FLI1: variants seen among roughly 807,000 people sequenced by gnomAD.
FLI1 encodes Fli-1 proto-oncogene, ETS transcription factor.
FLI1 carries 13 observed loss-of-function variants against 53.1 expected under a neutral mutation model. The ratio of observed to expected loss-of-function variants is 0.24; its 90% CI spans 0.16 to 0.39. FLI1 has a LOEUF of 0.39. Ranked by LOEUF, FLI1 falls within the 10% of genes least tolerant of loss-of-function variation. FLI1 has a pLI of 1.00. For missense variants in FLI1, 424 were observed against 600.5 expected (o/e 0.71, Z 3.07); for synonymous variants, 244 against 236.7 (o/e 1.03, Z -0.28).
intron 1 of FLI1, among the ~76,000 whole-genome samples, chr11:128,751,764 G>C (rs899598529): frequency 6.6e-6 from 1 of 150,870 alleles, no homozygotes; most frequent in African/African-American, 2.4e-5. Context: ...TCTTGACCTC[G>C]TGATCCACCC....
chr11:128,765,699 A>G (rs1226153769), intron 2 of FLI1, among the ~76,000 whole-genome samples: 1 of 152,116 alleles, frequency 6.6e-6, no homozygotes, highest in Non-Finnish European at 1.5e-5. Context: ...AATCCTTCAA[A>G]CTTCTGCAGC....
chr11:128,778,664 C>T (rs577836763), intron 4 of FLI1, among the ~76,000 whole-genome samples: 6 of 152,196 alleles, frequency 3.9e-5, no homozygotes, highest in Admixed American at 6.5e-5. Flanking sequence ...TCTGGCACAC[C>T]GTGCATGTTC....
chr11:128,770,656 TAAATA>T (rs1941517374), intron 3 of FLI1, among the ~76,000 whole-genome samples: 1 of 152,258 alleles, frequency 6.6e-6, no homozygotes, highest in South Asian at 2.1e-4. Context: ...AATAATAAAA[TAAATA>T]AAATATATGG....
chr11:128,689,682 G>T (rs1937660580), upstream of FLI1, among the ~76,000 whole-genome samples: 1 of 152,188 alleles, frequency 6.6e-6, no homozygotes, highest in African/African-American at 2.4e-5. Flanking sequence ...ACCCACCTTG[G>T]CCCCATCCCA....
intron 2 of FLI1, among the ~76,000 whole-genome samples, chr11:128,762,642 T>G (rs1941166436): frequency 6.6e-6 from 1 of 152,250 alleles, no homozygotes; most frequent in Non-Finnish European, 1.5e-5. Flanking sequence ...CTTTTAAAAA[T>G]CTGGCTACTA....
chr11:128,760,337 C>T (rs1210223823), intron 2 of FLI1, among the ~76,000 whole-genome samples: 2 of 152,018 alleles, frequency 1.3e-5, no homozygotes, highest in Non-Finnish European at 2.9e-5. Context: ...TCCAGCCCCA[C>T]GTGCCATCTG....
rs556523815 is a variant in FLI1, at chr11:128,687,116, G to T, written c.-203+415G>T. On this transcript the variant is annotated intron_variant, in intron 1 of 6. Coordinates refer to the FLI1 transcript ENST00000344954. ...TGCGTGCGCCTGTTTGCATGTGGGC[G>T]TGTGTATGTGGGGTTGTGTGCGGGT... is the stretch of plus-strand genomic sequence containing the variant. 3.8e-4 allele frequency among the ~76,000 whole-genome samples: 58 copies of T among 152,384 alleles called. 1 individual carries two copies. Among genetic ancestry groups the T allele is most frequent in the African/African-American group, 1.3e-3 (56 of 41,602 alleles).
At position 128,694,095 on chromosome 11, in the gene FLI1, A is replaced by T. The variant is rs1375162994; in HGVS notation, c.-164A>T. ...GTCTCTTTCGCTCCGCTACAACAAC[A>T]AACGTGCACAGGGGAGTGAGGGCAG... On this transcript the variant is annotated 5_prime_UTR_variant, in exon 1 of 9. Transcript: ENST00000527786. 1 of 550,710 alleles carries T rather than the reference A, an allele frequency of 1.8e-6. No individual in the cohort carries two copies. The highest frequency in any genetic ancestry group is 3.0e-6 in the Non-Finnish European group (1 of 334,008). 34.1% of individuals were successfully genotyped at this position (550,710 alleles called of 1,614,324 possible).
intron 1 of FLI1, among the ~76,000 whole-genome samples, chr11:128,714,971 T>C (rs542838931): frequency 6.6e-6 from 1 of 152,258 alleles, no homozygotes; most frequent in South Asian, 2.1e-4. Flanking sequence ...CCTCCCAAAG[T>C]GCTGGGATGA....
intron 2 of FLI1, 146 bp downstream of exon 2, chr11:128,758,472 G>A: frequency 3.0e-6 from 2 of 677,512 alleles, no homozygotes; most frequent in Non-Finnish European, 5.1e-6. Flanking sequence ...AGAGAGCTAA[G>A]GCAGAGAGGG....
At chr11:128,764,709 T>C (rs745768591) in intron 2 of FLI1, 3 of 1,553,174 alleles carry the variant, frequency 1.9e-6, no homozygotes, top group Admixed American at 1.9e-5. Context: ...GTACCCACCC[T>C]GAGCGGCAGC....
intron 1 of FLI1, among the ~76,000 whole-genome samples, chr11:128,750,779 G>A (rs1940610957): frequency 1.3e-5 from 2 of 152,332 alleles, no homozygotes; most frequent in South Asian, 4.1e-4. Flanking sequence ...AATGTTGGAA[G>A]ACACATTTGT....
At chr11:128,810,000 C>T (rs900012559) in intron 8 of FLI1, among the ~76,000 whole-genome samples, 1 of 152,166 alleles carries the variant, frequency 6.6e-6, no homozygotes, top group Admixed American at 6.5e-5. Context: ...GCAGCTTCTC[C>T]CAATGACTCC....
At chr11:128,733,478 C>T (rs1591763025) in intron 1 of FLI1, among the ~76,000 whole-genome samples, 1 of 152,210 alleles carries the variant, frequency 6.6e-6, no homozygotes, top group African/African-American at 2.4e-5. Context: ...TCCCCTCACT[C>T]TTTAGAACCT....
chr11:128,724,357 C>T (rs942992042), intron 1 of FLI1, among the ~76,000 whole-genome samples: 4 of 152,066 alleles, frequency 2.6e-5, no homozygotes, highest in African/African-American at 7.2e-5. Flanking sequence ...GAGAGTGCCA[C>T]GGATATGGGG....
Position 128,703,274 on chromosome 11 carries a change from A to G in FLI1, c.18+8998A>G, listed in dbSNP as rs1938415321. Among the ~76,000 whole-genome samples the G allele has an allele frequency of 3.9e-5, 6 of 152,196 alleles. No homozygotes were observed. In the South Asian group the frequency reaches 1.2e-3, roughly 31 times the overall value. On this transcript the variant is annotated intron_variant, in intron 1 of 8. Coordinates refer to ENST00000527786, the MANE Select transcript of FLI1 (RefSeq NM_002017.5). ...ATAATCTTTCCACAGAGCAACATCT[A>G]TTTGAGAAGTTAACTATTTACACAA... is the stretch of plus-strand genomic sequence containing the variant.
At chr11:128,767,428 CTG>C (rs1941383953) in intron 2 of FLI1, among the ~76,000 whole-genome samples, 2 of 152,212 alleles carry the variant, frequency 1.3e-5, no homozygotes, top group Admixed American at 6.5e-5. Flanking sequence ...CCTTGACTAG[CTG>C]TGTGACTGAG....
At chr11:128,704,352 G>T (rs763076131) in intron 1 of FLI1, among the ~76,000 whole-genome samples, 3 of 152,104 alleles carry the variant, frequency 2.0e-5, no homozygotes, top group African/African-American at 4.8e-5. Context: ...TCTCCGAGCT[G>T]GTTGTTTTTA....
At chr11:128,715,361 T>C (rs1229828434) in intron 1 of FLI1, among the ~76,000 whole-genome samples, 1 of 152,230 alleles carries the variant, frequency 6.6e-6, no homozygotes, top group Non-Finnish European at 1.5e-5. Context: ...ATTGCTTGCC[T>C]GTTGTTTAAA....
Sources: allele counts gnomAD v4.1 joint callset (sites outside exome capture counted in the v4.1 genomes callset), GRCh38; gene constraint gnomAD v4.1.1; transcripts MANE v1.5; gene names NCBI Gene and HGNC (gene_info 2026-07-23, HGNC 2026-07-21).